Variants in C12orf42 observed in about 807,000 individuals in gnomAD.
The protein encoded by C12orf42 is chromosome 12 open reading frame 42.
Under a neutral mutation model 21.6 loss-of-function variants are expected in C12orf42, and 25 were observed. The ratio of observed to expected loss-of-function variants is 1.16; its 90% CI spans 0.84 to 1.62. The LOEUF (loss-of-function observed/expected upper bound fraction) is 1.62. Among genes scored for constraint, C12orf42 ranks in the 40% most tolerant of loss-of-function variants. C12orf42 has a pLI of 0.00. For missense variants in C12orf42, 483 were observed against 459.3 expected, an observed-to-expected ratio of 1.05 and a Z score of -0.47; for synonymous variants, 174 against 175.0, an observed-to-expected ratio of 0.99 and a Z score of 0.05.
rs1251162193 is a variant in C12orf42, at chr12:103,396,288, C to G, written c.147+5319G>C. ...TAAAAGTGGCAGTTTCCCTTGCACTCTCTCTCCTGACACCTTGTGAAGAGG... is the reference window on the plus strand; with the variant it reads ...TAAAAGTGGCAGTTTCCCTTGCACTGTCTCTCCTGACACCTTGTGAAGAGG... On this transcript the variant is annotated intron_variant, in intron 3 of 5. Coordinates refer to ENST00000548883, the MANE Select transcript of C12orf42 (RefSeq NM_198521.5). Among the ~76,000 whole-genome samples, 4 of 152,178 alleles carry G rather than the reference C, an allele frequency of 2.6e-5. No individual in the cohort carries two copies. In the South Asian group the frequency reaches 8.3e-4, roughly 32 times the overall value.
intron 4 of C12orf42, among the ~76,000 whole-genome samples, chr12:103,280,225 T>C (rs1485838002): frequency 6.6e-6 from 1 of 152,170 alleles, no homozygotes; most frequent in African/African-American, 2.4e-5. Flanking sequence ...CTGTGGGTCA[T>C]ATAGATTGTA....
the C12orf42 span, among the ~76,000 whole-genome samples, chr12:103,061,053 C>T: frequency 6.6e-6 from 1 of 152,104 alleles, no homozygotes; most frequent in Non-Finnish European, 1.5e-5. Context: ...GTCCACGTTT[C>T]CTGCTCATTC....
At chr12:103,392,755 T>C (rs1225618703) in intron 3 of C12orf42, among the ~76,000 whole-genome samples, 1 of 152,246 alleles carries the variant, frequency 6.6e-6, no homozygotes, top group Non-Finnish European at 1.5e-5. Flanking sequence ...GCACTGTCAA[T>C]GTTCAGGCAC....
intron 5 of C12orf42, among the ~76,000 whole-genome samples, chr12:103,273,524 C>A (rs1056382963): frequency 6.6e-6 from 1 of 152,126 alleles, no homozygotes; most frequent in South Asian, 2.1e-4. Flanking sequence ...CCTCGACCAC[C>A]AACTCTGTAA....
the C12orf42 span, among the ~76,000 whole-genome samples, chr12:103,177,034 G>A: frequency 2.0e-5 from 3 of 152,072 alleles, no homozygotes; most frequent in African/African-American, 7.2e-5. Flanking sequence ...AACAGTTTAT[G>A]AGATATGAGA....
the C12orf42 span, among the ~76,000 whole-genome samples, chr12:103,062,883 A>G: frequency 3.9e-5 from 6 of 152,076 alleles, no homozygotes; most frequent in Non-Finnish European, 7.4e-5. Flanking sequence ...TGAAGCACAC[A>G]TATGTTAAAT....
At chr12:103,214,905 A>G in the C12orf42 span, among the ~76,000 whole-genome samples, 5 of 152,110 alleles carry the variant, frequency 3.3e-5, no homozygotes, top group African/African-American at 1.2e-4. Context: ...ACCAAACCTC[A>G]CCAAAATTGT....
the C12orf42 span, among the ~76,000 whole-genome samples, chr12:103,208,156 C>T: frequency 2.0e-5 from 3 of 152,188 alleles, no homozygotes; most frequent in Non-Finnish European, 2.9e-5. Context: ...AGTCGGCTAT[C>T]GACTCCAAGC....
chr12:103,137,664 A>G, the C12orf42 span, among the ~76,000 whole-genome samples: 1 of 152,252 alleles, frequency 6.6e-6, no homozygotes, highest in African/African-American at 2.4e-5. Context: ...AATGTGGTAT[A>G]CATACAGAAT....
chr12:103,180,982 G>T, the C12orf42 span, among the ~76,000 whole-genome samples: 1 of 152,056 alleles, frequency 6.6e-6, no homozygotes, highest in South Asian at 2.1e-4. Flanking sequence ...CAAGGATCTG[G>T]GTTGGGTGCG....
intron 10 of C12orf42, among the ~76,000 whole-genome samples, chr12:103,245,882 A>G (rs1039166351): frequency 1.8e-4 from 27 of 152,216 alleles, no homozygotes; most frequent in African/African-American, 6.5e-4. Flanking sequence ...AGATACTAGA[A>G]GGAGTGTCTA....
chr12:103,224,646 A>G, the C12orf42 span, among the ~76,000 whole-genome samples: 2 of 152,222 alleles, frequency 1.3e-5, no homozygotes, highest in African/African-American at 2.4e-5. Flanking sequence ...AGCAGAAAGT[A>G]TATGCGTCAG....
the C12orf42 span, among the ~76,000 whole-genome samples, chr12:103,104,607 A>AT: frequency 1.6e-4 from 24 of 152,226 alleles, no homozygotes; most frequent in South Asian, 3.9e-3. Flanking sequence ...TGCCCAGCTA[A>AT]TTTTTTGTAT....
At chr12:103,047,919 G>A in the C12orf42 span, among the ~76,000 whole-genome samples, 24 of 152,288 alleles carry the variant, frequency 1.6e-4, no homozygotes, top group South Asian at 1.0e-3. Context: ...TAGAAATGGC[G>A]TAATGTCACT....
chr12:103,322,125 GCACA>G (rs34616179), intron 4 of C12orf42, among the ~76,000 whole-genome samples: 956 of 90,512 alleles, frequency 0.011, 9 homozygotes, highest in East Asian at 0.062. Context: ...GCGCGCGCGC[GCACA>G]CACACACACA....
chr12:103,403,607 A>G (rs1263665232), intron 2 of C12orf42, among the ~76,000 whole-genome samples: 1 of 152,200 alleles, frequency 6.6e-6, no homozygotes, highest in East Asian at 1.9e-4. Context: ...ATCAGCATAC[A>G]TGCATAGCCT....
chr12:103,202,169 G>A, the C12orf42 span, among the ~76,000 whole-genome samples: 1 of 152,200 alleles, frequency 6.6e-6, no homozygotes, highest in African/African-American at 2.4e-5. Context: ...AAGGATCCCA[G>A]TGATCTCTAG....
chr12:103,281,911 A>C (rs561112364), intron 4 of C12orf42, among the ~76,000 whole-genome samples: 76 of 122,966 alleles, frequency 6.2e-4, no homozygotes, highest in African/African-American at 2.4e-3. Context: ...GAAAAGAAGA[A>C]AGAAAAAGAA....
chr12:103,399,510 AAAAGAAG>A (rs2047812584), intron 3 of C12orf42, among the ~76,000 whole-genome samples: 1 of 110,228 alleles, frequency 9.1e-6, no homozygotes, highest in Non-Finnish European at 2.1e-5. Flanking sequence ...AAAAAAAAAA[AAAAGAAG>A]AAGAAGAAAG....
Sources: gnomAD v4.1 joint callset for allele counts (sites outside exome capture counted in the v4.1 genomes callset) on GRCh38, gnomAD v4.1.1 for gene constraint, MANE v1.5 for transcripts, NCBI Gene and HGNC (gene_info 2026-07-23, HGNC 2026-07-21) for gene names.